KCNIP1: variants seen among roughly 807,000 people sequenced by gnomAD.
KCNIP1 encodes the protein A-type potassium channel modulatory protein KCNIP1.
In KCNIP1, 18 loss-of-function variants were observed where a neutral mutation model predicts 33.0. The ratio of observed to expected loss-of-function variants is 0.55; its 90% CI spans 0.38 to 0.81. KCNIP1 has a LOEUF of 0.81. Among genes scored for constraint, KCNIP1 ranks in the 30% least tolerant of loss-of-function variants. The pLI, the probability that KCNIP1 is intolerant of heterozygous loss-of-function variation, is 0.00. For synonymous variants in KCNIP1, 93 were observed against 98.3 expected (o/e 0.95, Z 0.32); for missense variants, 238 against 271.6 (o/e 0.88, Z 0.87).
intron 1 of KCNIP1, among the ~76,000 whole-genome samples, chr5:170,544,374 G>A (rs1016166845): frequency 1.6e-4 from 25 of 152,090 alleles, no homozygotes; most frequent in African/African-American, 6.0e-4. Context: ...ACTATTACAT[G>A]TTAACATGTA....
At chr5:170,457,559 A>G (rs1182369062) in intron 1 of KCNIP1, among the ~76,000 whole-genome samples, 1 of 152,242 alleles carries the variant, frequency 6.6e-6, no homozygotes. Flanking sequence ...GGAACCTGGT[A>G]GACATCCTGG....
At chr5:170,566,087 G>T (rs1342654994) in intron 1 of KCNIP1, among the ~76,000 whole-genome samples, 1 of 152,096 alleles carries the variant, frequency 6.6e-6, no homozygotes, top group Non-Finnish European at 1.5e-5. Context: ...GGAGTGCAAT[G>T]GTTCAATCTC....
intron 1 of KCNIP1, among the ~76,000 whole-genome samples, chr5:170,548,187 T>G (rs1756485854): frequency 1.3e-5 from 2 of 152,180 alleles, no homozygotes; most frequent in African/African-American, 4.8e-5. Flanking sequence ...TGCTAAGACA[T>G]TTTTATAGTG....
At chr5:170,436,888 T>C (rs1755877462) in intron 1 of KCNIP1, among the ~76,000 whole-genome samples, 1 of 152,170 alleles carries the variant, frequency 6.6e-6, no homozygotes, top group Non-Finnish European at 1.5e-5. Context: ...GGAGAAAAGA[T>C]TTCTTTCCTC....
chr5:170,616,663 T>G (rs534549372), intron 1 of KCNIP1, among the ~76,000 whole-genome samples: 2 of 152,292 alleles, frequency 1.3e-5, no homozygotes, highest in Admixed American at 1.3e-4. Flanking sequence ...AGCATCCTCC[T>G]TAGATACTCA....
chr5:170,397,984 AAG>A (rs1370762486), intron 1 of KCNIP1, among the ~76,000 whole-genome samples: 1 of 152,212 alleles, frequency 6.6e-6, no homozygotes, highest in Non-Finnish European at 1.5e-5. Context: ...GGGTTATAAT[AAG>A]AGGTTGTGGA....
At chr5:170,697,527 G>A (rs1458718155) in intron 1 of KCNIP1, among the ~76,000 whole-genome samples, 1 of 152,200 alleles carries the variant, frequency 6.6e-6, no homozygotes, top group Non-Finnish European at 1.5e-5. Context: ...GTCTCAGGAA[G>A]AGATGGTGAG....
At chr5:170,590,719 G>A (rs1307287004) in intron 1 of KCNIP1, among the ~76,000 whole-genome samples, 1 of 152,242 alleles carries the variant, frequency 6.6e-6, no homozygotes, top group Non-Finnish European at 1.5e-5. Context: ...GTATTAGTCA[G>A]AGCAGTGCAA....
At chr5:170,451,921 G>A (rs1005557143) in intron 1 of KCNIP1, among the ~76,000 whole-genome samples, 10 of 152,170 alleles carry the variant, frequency 6.6e-5, no homozygotes, top group Non-Finnish European at 1.3e-4. Context: ...CATGCAGCAT[G>A]GAGCAGACAC....
In KCNIP1 at chr5:170,586,850, A is replaced by G. The variant is rs192270357; in HGVS notation, c.61+82217A>G. ...GATGGAACATCCATTCATTTAGTCA[A>G]CAACTGTGGATTGAGCAGTGTCTCT... On this transcript the variant is annotated intron_variant, in intron 1 of 7. Coordinates refer to ENST00000328939, the MANE Select transcript of KCNIP1 (RefSeq NM_014592.4). Among the ~76,000 whole-genome samples, 404 of 152,334 alleles carry G rather than the reference A, an allele frequency of 2.7e-3. 1 individual carries two copies. Among genetic ancestry groups the G allele is most frequent in the African/African-American group, 9.2e-3 (384 of 41,580 alleles).
At chr5:170,597,968 GC>G (rs1758525643) in intron 1 of KCNIP1, among the ~76,000 whole-genome samples, 1 of 151,992 alleles carries the variant, frequency 6.6e-6, no homozygotes, top group African/African-American at 2.4e-5. Flanking sequence ...GCTGGAAAGG[GC>G]CCCAGCATCC....
Position 170,504,085 on chromosome 5 carries a change from G to C in KCNIP1, c.-488G>C. ...GGCGGGCGCGCTGTGGCTCCGCGCC[G>C]CGCGGTCCGGGCTCTGTTCATTCAT... On this transcript the variant is annotated 5_prime_UTR_variant, in exon 1 of 8. Transcript: ENST00000328939. This position sits in a 1 kb window ranked among gnomAD's most constrained non-coding sequence, Gnocchi z 6.0. 1.0e-6 allele frequency: 1 copy of C among 985,646 alleles called. No individual in the cohort carries two copies. The highest frequency in any genetic ancestry group is 1.2e-6 in the Non-Finnish European group (1 of 830,168). 61.1% of individuals were successfully genotyped at this position (985,646 alleles called of 1,614,324 possible).
At chr5:170,449,388 C>T (rs147934603) in intron 1 of KCNIP1, among the ~76,000 whole-genome samples, 270 of 152,344 alleles carry the variant, frequency 1.8e-3, no homozygotes, top group African/African-American at 6.2e-3. Context: ...GCTCCACACA[C>T]CCTTGGACCA....
intron 1 of KCNIP1, among the ~76,000 whole-genome samples, chr5:170,526,719 C>CTTTTTT (rs145988547): frequency 8.1e-6 from 1 of 122,810 alleles, no homozygotes; most frequent in East Asian, 2.2e-4. Context: ...ATCTGATTAG[C>CTTTTTT]TTTTTTTTTT....
intron 1 of KCNIP1, among the ~76,000 whole-genome samples, chr5:170,468,475 C>T (rs1455547628): frequency 6.6e-6 from 1 of 152,126 alleles, no homozygotes; most frequent in Admixed American, 6.5e-5. Flanking sequence ...GAATTTGTTA[C>T]TTTAATAAAT....
At chr5:170,706,973 G>A (rs1231561293) in intron 1 of KCNIP1, among the ~76,000 whole-genome samples, 1 of 152,036 alleles carries the variant, frequency 6.6e-6, no homozygotes, top group Non-Finnish European at 1.5e-5. Context: ...CCATGTACTG[G>A]AACTTCAGGG....
intron 1 of KCNIP1, among the ~76,000 whole-genome samples, chr5:170,402,886 A>G (rs1754944514): frequency 6.6e-6 from 1 of 152,206 alleles, no homozygotes; most frequent in Non-Finnish European, 1.5e-5. Flanking sequence ...TCAGAAGAGA[A>G]CTTTGAGGCT....
At chr5:170,515,485 T>C (rs557751173) in intron 1 of KCNIP1, among the ~76,000 whole-genome samples, 1 of 152,306 alleles carries the variant, frequency 6.6e-6, no homozygotes, top group East Asian at 1.9e-4. Flanking sequence ...GGACACAGTC[T>C]TTGTCCCCAA....
intron 1 of KCNIP1, among the ~76,000 whole-genome samples, chr5:170,572,448 C>T (rs958711745): frequency 1.3e-5 from 2 of 152,162 alleles, no homozygotes; most frequent in African/African-American, 2.4e-5. Flanking sequence ...TTCTTGCGCT[C>T]ACAGTGCTTT....
Sources: gnomAD v4.1 joint callset for allele counts (sites outside exome capture counted in the v4.1 genomes callset) on GRCh38, gnomAD v4.1.1 for gene constraint, Gnocchi (gnomAD v3.1) non-coding constraint, MANE v1.5 for transcripts, NCBI Gene and HGNC (gene_info 2026-07-23, HGNC 2026-07-21) for gene names.